TOX2: variants seen among roughly 807,000 people sequenced by gnomAD.
The protein encoded by TOX2 is granulosa cell HMG box 1.
A neutral mutation model predicts 47.4 loss-of-function variants in TOX2; 15 were observed. That is an observed-to-expected ratio of 0.32 (90% CI 0.21 to 0.49). The LOEUF (loss-of-function observed/expected upper bound fraction) is 0.49. Among genes scored for constraint, TOX2 ranks in the 20% least tolerant of loss-of-function variants. The pLI is 0.99. For missense variants in TOX2, 622 were observed against 673.1 expected (o/e 0.92, Z 0.84); for synonymous variants, 290 against 296.6 (o/e 0.98, Z 0.23).
chr20:43,966,703 G>A (rs2069858946), intron 1 of TOX2, among the ~76,000 whole-genome samples: 1 of 150,358 alleles, frequency 6.7e-6, no homozygotes, highest in Non-Finnish European at 1.5e-5. Context: ...GCAGTGAACT[G>A]AGATCATGCC....
chr20:44,021,638 C>CT (rs35088736), intron 3 of TOX2, among the ~76,000 whole-genome samples: 2,321 of 151,882 alleles, frequency 0.015, 35 homozygotes, highest in African/African-American at 0.038. Flanking sequence ...ACTAGGTCGA[C>CT]TTTTTTTTGA....
intron 4 of TOX2, among the ~76,000 whole-genome samples, chr20:44,053,439 T>TACACACACACACAC (rs111951284): frequency 9.1e-5 from 13 of 143,146 alleles, no homozygotes; most frequent in Middle Eastern, 3.6e-3. Flanking sequence ...GGCAGATATA[T>TACACACACACACAC]ACACACACAC....
At chr20:43,997,217 G>A (rs577622272) in intron 2 of TOX2, among the ~76,000 whole-genome samples, 1 of 152,284 alleles carries the variant, frequency 6.6e-6, no homozygotes, top group South Asian at 2.1e-4. Context: ...CTGGGATAAA[G>A]TAGAAAGCCA....
chr20:43,986,596 C>G (rs1003304127), intron 2 of TOX2, among the ~76,000 whole-genome samples: 1 of 151,512 alleles, frequency 6.6e-6, no homozygotes, highest in Non-Finnish European at 1.5e-5. Flanking sequence ...AATTTATTAA[C>G]ATGGTATACT....
intron 6 of TOX2, 90 bp downstream of exon 6, chr20:44,064,947 C>A: frequency 2.5e-6 from 3 of 1,202,690 alleles, no homozygotes; most frequent in Admixed American, 1.9e-5. Context: ...GAAGGGCCGG[C>A]ACCCCAGGTC....
At chr20:44,005,282 G>A (rs562692189) in intron 2 of TOX2, among the ~76,000 whole-genome samples, 14 of 152,214 alleles carry the variant, frequency 9.2e-5, no homozygotes, top group South Asian at 4.1e-4. Flanking sequence ...TACTCTGTCC[G>A]CTGTGCACAT....
chr20:43,987,045 C>T (rs1205742749), intron 2 of TOX2, among the ~76,000 whole-genome samples: 2 of 152,106 alleles, frequency 1.3e-5, no homozygotes, highest in African/African-American at 4.8e-5. Context: ...GCCTTGGTGA[C>T]AGAGTGAGAC....
At chr20:43,952,381 C>G (rs1209194826) in intron 1 of TOX2, among the ~76,000 whole-genome samples, 1 of 152,034 alleles carries the variant, frequency 6.6e-6, no homozygotes, top group Non-Finnish European at 1.5e-5. Context: ...CGTAACAACC[C>G]CCTGAATCTC....
chr20:43,974,450 A>G (rs969577058), intron 2 of TOX2, among the ~76,000 whole-genome samples: 2 of 152,226 alleles, frequency 1.3e-5, no homozygotes, highest in Non-Finnish European at 2.9e-5. Context: ...TCCCTAAGGC[A>G]GTGGTGCTTG....
intron 3 of TOX2, among the ~76,000 whole-genome samples, chr20:44,018,033 A>G (rs759515422): frequency 6.6e-6 from 1 of 152,214 alleles, no homozygotes; most frequent in Non-Finnish European, 1.5e-5. Context: ...GCAGCTTGGA[A>G]CAAGAAATGG....
chr20:43,921,968 C>T (rs1440262788), intron 1 of TOX2, among the ~76,000 whole-genome samples: 1 of 152,164 alleles, frequency 6.6e-6, no homozygotes, highest in African/African-American at 2.4e-5. Context: ...CCTCCACCTT[C>T]TGTTACCTTC....
intron 1 of TOX2, among the ~76,000 whole-genome samples, chr20:43,973,017 T>C (rs928141294): frequency 3.3e-5 from 5 of 152,236 alleles, no homozygotes; most frequent in African/African-American, 1.2e-4. Context: ...ATAATTTTGA[T>C]CAAGGGAGGT....
In TOX2 at chr20:44,037,666, C is replaced by A. The variant is rs112232698; in HGVS notation, c.412-13640C>A. ...CTGGGGTGTAGTGAGCCCTCACTCA[C>A]TGAAATACTAGATATTATTATCATT... On this transcript the variant is annotated intron_variant, in intron 3 of 8. Transcript: ENST00000341197. Among the ~76,000 whole-genome samples the A allele has an allele frequency of 2.7e-3, 418 of 152,158 alleles. 2 individuals are homozygous for A. The highest frequency in any genetic ancestry group is 9.4e-3 in the African/African-American group (391 of 41,502).
intron 5 of TOX2, among the ~76,000 whole-genome samples, chr20:44,061,504 C>T (rs926074274): frequency 4.7e-5 from 7 of 149,018 alleles, no homozygotes; most frequent in South Asian, 2.1e-4. Flanking sequence ...AAACCAGAGC[C>T]AACATTATAG....
chr20:43,958,888 C>T (rs1213872155), intron 1 of TOX2, among the ~76,000 whole-genome samples: 4 of 152,204 alleles, frequency 2.6e-5, no homozygotes, highest in Admixed American at 2.6e-4. Context: ...AGCCCTGAGG[C>T]CTCATTATTT....
chr20:44,067,190 G>A (rs2071840005), intron 8 of TOX2, among the ~76,000 whole-genome samples: 1 of 152,178 alleles, frequency 6.6e-6, no homozygotes, highest in Non-Finnish European at 1.5e-5. Flanking sequence ...CAGAGCCTGA[G>A]GCAGCAGGGA....
intron 1 of TOX2, among the ~76,000 whole-genome samples, chr20:43,925,912 G>C (rs182243675): frequency 2.4e-3 from 358 of 152,314 alleles, no homozygotes; most frequent in African/African-American, 8.3e-3. Flanking sequence ...AATTTGGCCC[G>C]AGCTTGCTCT....
chr20:44,066,727 T>C lies in TOX2; in HGVS notation c.1357-3T>C, dbSNP rs377031913. On this transcript the variant is annotated splice_polypyrimidine_tract_variant and splice_region_variant and intron_variant, in intron 7 of 8. Transcript: ENST00000341197. ...TCATGGCCTCCTCCTTCCCACTCTGTAGGACTTCCCGCACATCTCTGAGTT... is the reference window on the plus strand; with the variant it reads ...TCATGGCCTCCTCCTTCCCACTCTGCAGGACTTCCCGCACATCTCTGAGTT... The C allele has an allele frequency of 5.6e-5, 91 of 1,614,106 alleles. 4 individuals are homozygous for C. The highest frequency in any genetic ancestry group is 2.3e-4 in the Admixed American group (14 of 60,022).
rs995234188 is a variant in TOX2 at position 44,068,987 on chromosome 20, G to A, written c.*301G>A. On this transcript the variant is annotated 3_prime_UTR_variant, in exon 9 of 9. Transcript: ENST00000341197. ...CACGGTACCCTATGTCTGGACACCC[G>A]GCCCCAGCTCCAGCCCCAGCCCAGG... is the stretch of plus-strand genomic sequence containing the variant. 12 of 524,710 alleles carry A rather than the reference G, an allele frequency of 2.3e-5. No homozygotes were observed. Among genetic ancestry groups the A allele is most frequent in the Middle Eastern group, 3.0e-4 (1 of 3,320 alleles). 32.5% of individuals were successfully genotyped at this position (524,710 alleles called of 1,614,324 possible). A position where few individuals can be genotyped will look rare whatever the true frequency, so the allele number is the denominator to read the frequency against.
Sources: gnomAD v4.1 joint callset for allele counts (sites outside exome capture counted in the v4.1 genomes callset) on GRCh38, gnomAD v4.1.1 for gene constraint, MANE v1.5 for transcripts, NCBI Gene and HGNC (gene_info 2026-07-23, HGNC 2026-07-21) for gene names.